The following RBFOX2 variants were observed in gnomAD, a reference collection of about 807,000 sequenced individuals.
RBFOX2 encodes the protein RNA binding fox-1 homolog 2.
RBFOX2 carries 10 observed loss-of-function variants against 49.1 expected under a neutral mutation model. That is an observed-to-expected ratio of 0.20 (90% CI 0.13 to 0.35). The LOEUF is 0.35. RBFOX2 is among the 10% of genes least tolerant of loss of function. The probability of loss-of-function intolerance (pLI) is 1.00; values close to 1 mark genes in which losing one functional copy is unlikely to be tolerated. For missense variants in RBFOX2, 323 were observed against 486.9 expected (o/e 0.66, Z 3.17); for synonymous variants, 183 against 187.4 (o/e 0.98, Z 0.19).
chr22:35,813,449 T>C (rs969003587), intron 1 of RBFOX2, among the ~76,000 whole-genome samples: 1 of 152,232 alleles, frequency 6.6e-6, no homozygotes, highest in Non-Finnish European at 1.5e-5. Flanking sequence ...ATATCTCATC[T>C]GAGAAAAGAA....
intron 1 of RBFOX2, among the ~76,000 whole-genome samples, chr22:35,949,965 T>C (rs111439565): frequency 0.045 from 6,800 of 152,244 alleles, 495 homozygotes; most frequent in African/African-American, 0.16. Context: ...GATTTTGGTG[T>C]CATGTCTAAG....
chr22:36,014,643 T>C (rs2058963920), intron 1 of RBFOX2, among the ~76,000 whole-genome samples: 1 of 151,884 alleles, frequency 6.6e-6, no homozygotes, highest in South Asian at 2.1e-4. Context: ...GAAAGTCAAA[T>C]AAGGGATTCT....
intron 1 of RBFOX2, among the ~76,000 whole-genome samples, chr22:35,930,641 C>T (rs916897508): frequency 2.0e-5 from 3 of 151,522 alleles, no homozygotes; most frequent in Non-Finnish European, 1.5e-5. Context: ...ATCAGCCTGG[C>T]CAACACAGAG....
intron 1 of RBFOX2, among the ~76,000 whole-genome samples, chr22:35,977,722 C>CTATATATATATATATATA (rs375088964): frequency 2.5e-5 from 2 of 80,840 alleles, no homozygotes; most frequent in Non-Finnish European, 4.8e-5. Flanking sequence ...CCTGAATGAA[C>CTATATATATATATATATA]TATATATATA....
chr22:35,853,762 C>T (rs78998899), intron 1 of RBFOX2, among the ~76,000 whole-genome samples: 3,680 of 151,538 alleles, frequency 0.024, 161 homozygotes, highest in African/African-American at 0.084. Flanking sequence ...GGCTGGTTTT[C>T]GCTTACTAAT....
At position 35,812,996 on chromosome 22, in the gene RBFOX2, G is replaced by A. The variant is rs529067131; in HGVS notation, c.28-2992C>T. 9.8e-5 allele frequency among the ~76,000 whole-genome samples: 15 copies of A among 152,286 alleles called. No homozygotes were observed. In the South Asian group the frequency reaches 2.5e-3, roughly 25 times the overall value. On this transcript the variant is annotated intron_variant, in intron 1 of 11. Coordinates refer to ENST00000405409, the Ensembl canonical transcript of RBFOX2. ...TCCACTTGTAGCCTAGGCACTAGGC[G>A]TTTTACAGAAATGCAAGCCAGGCAG...
At chr22:35,841,065 T>TA (rs1429845018), upstream of RBFOX2, among the ~76,000 whole-genome samples, 2 of 152,186 alleles carry the variant, frequency 1.3e-5, no homozygotes, top group South Asian at 2.1e-4. Flanking sequence ...TTTCCTACTA[T>TA]AAAAAATACC....
At chr22:35,846,420 T>C (rs577613604) in intron 1 of RBFOX2, among the ~76,000 whole-genome samples, 1 of 150,538 alleles carries the variant, frequency 6.6e-6, no homozygotes, top group African/African-American at 2.4e-5. Context: ...GAGCCTAATA[T>C]ACTCTACAGC....
chr22:35,919,482 G>C (rs1024775256), intron 1 of RBFOX2, among the ~76,000 whole-genome samples: 2 of 151,266 alleles, frequency 1.3e-5, no homozygotes, highest in African/African-American at 4.9e-5. Flanking sequence ...GCAGTGAGCC[G>C]AGATCATGCT....
chr22:35,878,875 C>T (rs2045506054), intron 1 of RBFOX2, among the ~76,000 whole-genome samples: 1 of 152,102 alleles, frequency 6.6e-6, no homozygotes, highest in African/African-American at 2.4e-5. Context: ...GGACTACAGG[C>T]GCCCGCCACC....
At chr22:35,871,295 T>C (rs930210152) in intron 1 of RBFOX2, among the ~76,000 whole-genome samples, 4 of 151,896 alleles carry the variant, frequency 2.6e-5, no homozygotes, top group South Asian at 2.1e-4. Flanking sequence ...ACAAAAGAAA[T>C]GTGAAGGTGA....
At chr22:35,958,177 A>C (rs2055798320) in intron 1 of RBFOX2, among the ~76,000 whole-genome samples, 1 of 152,208 alleles carries the variant, frequency 6.6e-6, no homozygotes, top group Non-Finnish European at 1.5e-5. Context: ...GTTTTATAAC[A>C]GTCTCTTCAC....
intron 1 of RBFOX2, among the ~76,000 whole-genome samples, chr22:35,822,231 A>G (rs994299271): frequency 6.6e-6 from 1 of 152,230 alleles, no homozygotes; most frequent in Non-Finnish European, 1.5e-5. Flanking sequence ...TTTTGGGAGC[A>G]TCTCCAACTC....
intron 1 of RBFOX2, among the ~76,000 whole-genome samples, chr22:35,967,017 C>A (rs2056602998): frequency 6.6e-6 from 1 of 151,758 alleles, no homozygotes; most frequent in South Asian, 2.1e-4. Context: ...TGAGGTCTTA[C>A]TATGTTGTTG....
At chr22:36,028,280 C>T (rs1192232200) in exon 1 of RBFOX2, 4 of 1,534,800 alleles carry the variant, frequency 2.6e-6, no homozygotes, top group African/African-American at 1.4e-5. Context: ...CTCCTCAGTG[C>T]GCGGCCGCTT....
At chr22:35,860,028 CATA>C (rs2042937867) in intron 1 of RBFOX2, among the ~76,000 whole-genome samples, 1 of 152,084 alleles carries the variant, frequency 6.6e-6, no homozygotes, top group African/African-American at 2.4e-5. Context: ...TTTTTCTCTC[CATA>C]ATAACTTTTA....
intron 1 of RBFOX2, among the ~76,000 whole-genome samples, chr22:35,866,036 C>G (rs113122925): frequency 3.6e-4 from 55 of 152,274 alleles, no homozygotes; most frequent in African/African-American, 1.3e-3. Flanking sequence ...CCAGCTGGAA[C>G]TACATATGCT....
chr22:36,026,754 CA>C (rs2059454524), intron 1 of RBFOX2, among the ~76,000 whole-genome samples: 1 of 152,086 alleles, frequency 6.6e-6, no homozygotes, highest in African/African-American at 2.4e-5. Context: ...GCAAACAAAA[CA>C]AAAGAATTCA....
intron 1 of RBFOX2, chr22:35,897,321 T>C: frequency 6.8e-7 from 1 of 1,472,562 alleles, no homozygotes; most frequent in Non-Finnish European, 9.5e-7. Flanking sequence ...CAGCCAGCAG[T>C]AAGTGTGATG....
Sources: gnomAD v4.1 joint callset for allele counts (sites outside exome capture counted in the v4.1 genomes callset) on GRCh38, gnomAD v4.1.1 for gene constraint, MANE v1.5 for transcripts, NCBI Gene and HGNC (gene_info 2026-07-23, HGNC 2026-07-21) for gene names.